The following TNRC18 variants were observed in gnomAD, a reference collection of about 807,000 sequenced individuals.
TNRC18 encodes trinucleotide repeat containing 18.
TNRC18 carries 69 observed loss-of-function variants against 226.7 expected under a neutral mutation model. The ratio of observed to expected loss-of-function variants is 0.30; its 90% CI spans 0.25 to 0.37. The LOEUF (loss-of-function observed/expected upper bound fraction) is 0.37. TNRC18 is among the 10% of genes least tolerant of loss of function. The pLI, the probability that TNRC18 is intolerant of heterozygous loss-of-function variation, is 1.00. For synonymous variants in TNRC18, 2,449 were observed against 1,927.6 expected (o/e 1.27, Z -7.09); for missense variants, 4,754 against 4,256.6 (o/e 1.12, Z -3.25).
At chr7:5,385,724 AG>A (rs1216765716) in intron 5 of TNRC18, among the ~76,000 whole-genome samples, 1 of 151,322 alleles carries the variant, frequency 6.6e-6, no homozygotes, top group Non-Finnish European at 1.5e-5. Context: ...CTATAATCCC[AG>A]AGCTTTGGGA....
chr7:5,330,541 G>T (rs922236675), intron 19 of TNRC18, among the ~76,000 whole-genome samples: 1 of 151,824 alleles, frequency 6.6e-6, no homozygotes. Flanking sequence ...AGCCAGTCTG[G>T]TGCCTGTCCA....
chr7:5,348,130 C>T (rs926045166), intron 17 of TNRC18, among the ~76,000 whole-genome samples: 20 of 152,278 alleles, frequency 1.3e-4, no homozygotes, highest in South Asian at 1.0e-3. Flanking sequence ...ACAGGAGGCT[C>T]CCTGCACACA....
chr7:5,404,699 CA>C (rs1049368486), intron 2 of TNRC18, among the ~76,000 whole-genome samples: 3 of 151,670 alleles, frequency 2.0e-5, no homozygotes, highest in Admixed American at 6.6e-5. Context: ...TCGCTGCAGC[CA>C]AAATGATCTG....
chr7:5,313,804 C>T lies in TNRC18; in HGVS notation c.7087G>A (p.Ala2363Thr). 6.6e-7 allele frequency: 1 copy of T among 1,522,266 alleles called. No homozygotes were observed. Among genetic ancestry groups the T allele is most frequent in the Admixed American group, 2.2e-5 (1 of 45,682 alleles). 94.3% of individuals were successfully genotyped at this position (1,522,266 alleles called of 1,614,324 possible). Residue 2363 changes from alanine (A) to threonine (T), a missense_variant, in exon 27 of 30, where the codon GCC (alanine) becomes ACC (threonine). Physicochemically the swap from Ala to Thr is moderately conservative, Grantham distance 58. Coordinates refer to ENST00000430969, the MANE Select transcript of TNRC18 (RefSeq NM_001080495.3). ...PTDEVPSTPL[A>T]LEPSSTPGSK... is the part of the protein sequence containing the mutation. Reference sequence around the variant, plus strand: ...CCTGGGGTGCTGCTCGGCTCCAGGGCTAAGGGGGTACTGGGGACCTCGTCT... The same window carrying T: ...CCTGGGGTGCTGCTCGGCTCCAGGGTTAAGGGGGTACTGGGGACCTCGTCT...
rs1786704200 is a variant in TNRC18 at position 5,307,832 on chromosome 7, G to C, written c.*274C>G. ...GTGCTTGCAACGTGCTGGGCAGGAA[G>C]GGCCGGTCCGGCCATACCCTGATAG... On this transcript the variant is annotated 3_prime_UTR_variant, in exon 30 of 30. Transcript: ENST00000430969. The C allele has an allele frequency of 2.0e-6, 1 of 508,636 alleles. No individual in the cohort carries two copies. The highest frequency in any genetic ancestry group is 3.6e-6 in the Non-Finnish European group (1 of 278,344). 31.5% of individuals were successfully genotyped at this position (508,636 alleles called of 1,614,324 possible).
chr7:5,333,915 A>T (rs1789818843), intron 18 of TNRC18, among the ~76,000 whole-genome samples: 1 of 152,104 alleles, frequency 6.6e-6, no homozygotes, highest in African/African-American at 2.4e-5. Context: ...GCCTGCCCTG[A>T]CCCTGGGAAG....
chr7:5,314,516 T>G (rs910500995), intron 26 of TNRC18, among the ~76,000 whole-genome samples: 5 of 151,448 alleles, frequency 3.3e-5, no homozygotes, highest in Non-Finnish European at 7.4e-5. Flanking sequence ...TTTCCTCATC[T>G]GTCACCTGGT....
Position 5,380,571 on chromosome 7 carries a change from G to A in TNRC18, c.2153-2547C>T, listed in dbSNP as rs73055898. Among the ~76,000 whole-genome samples the A allele has an allele frequency of 3.6e-3, 555 of 152,292 alleles. 2 individuals are homozygous for A. The highest frequency in any genetic ancestry group is 5.1e-3 in the Non-Finnish European group (348 of 68,018). The stretch of plus-strand genomic sequence containing the variant: ...GAGGGACAGCCGGGCAGCCCGGCAC[G>A]GGGAGAAGCGTGTTGACGAGGGCGC... On this transcript the variant is annotated intron_variant, in intron 5 of 29. Transcript: ENST00000430969.
chr7:5,357,153 C>A lies in TNRC18; in HGVS notation c.4957G>T (p.Gly1653Trp), dbSNP rs1391626957. Residue 1653 changes from glycine to tryptophan, a missense_variant, in exon 16 of 30, where the codon GGG becomes TGG. Physicochemically the swap from Gly to Trp is radical, Grantham distance 184. Transcript: ENST00000430969. ...KSPFKFSDSA[G>W]GKSKTSGGCG... ...CCCCCGCTAGTTTTCGATTTCCCCC[C>A]AGCACTGTCCGAAAACTTGAAGGGC... 1.9e-6 allele frequency: 3 copies of A among 1,582,964 alleles called. No homozygotes were observed. The highest frequency in any genetic ancestry group is 2.6e-6 in the Non-Finnish European group (3 of 1,163,878).
At chr7:5,393,414 G>C (rs543400548) in intron 3 of TNRC18, among the ~76,000 whole-genome samples, 38 of 152,376 alleles carry the variant, frequency 2.5e-4, no homozygotes, top group African/African-American at 9.1e-4. Flanking sequence ...CCTGTGACTA[G>C]AGACGCCTCT....
At chr7:5,420,459 A>C in intron 2 of TNRC18, 1 of 453,190 alleles carries the variant, frequency 2.2e-6, no homozygotes, top group Non-Finnish European at 4.4e-6. Context: ...GCAGGTTCCC[A>C]GGGCCGCCGT....
chr7:5,410,788 G>A (rs752123945), intron 2 of TNRC18, among the ~76,000 whole-genome samples: 6 of 148,694 alleles, frequency 4.0e-5, no homozygotes, highest in Admixed American at 2.0e-4. Context: ...GCTTGAACCC[G>A]TGGTGGAGGT....
At chr7:5,407,813 C>A (rs10241758) in intron 2 of TNRC18, among the ~76,000 whole-genome samples, 56 of 151,972 alleles carry the variant, frequency 3.7e-4, no homozygotes, top group African/African-American at 1.2e-3. Flanking sequence ...TCCCCCCTAC[C>A]GAGACTCCAC....
rs1355401926 is a variant in TNRC18, at chr7:5,359,463, C to A, written c.4768G>T (p.Gly1590Trp). The A allele has an allele frequency of 1.2e-6, 2 of 1,613,908 alleles. No homozygotes were observed. Among genetic ancestry groups the A allele is most frequent in the African/African-American group, 2.7e-5 (2 of 74,924 alleles). ...EEEHDALIGM[G>W]KARGRNQTWD... ...GTCTGGTTCCTCCCCCTGGCTTTCCCCATTCCGATGAGGGCATCATGTTCC... is the reference window on the plus strand; with the variant it reads ...GTCTGGTTCCTCCCCCTGGCTTTCCACATTCCGATGAGGGCATCATGTTCC... Residue 1590 changes from glycine (G) to tryptophan (W), a missense_variant, in exon 15 of 30, where the codon GGG becomes TGG. Physicochemically the swap from Gly to Trp is radical, Grantham distance 184. Transcript: ENST00000430969.
chr7:5,353,499 C>A (rs1339611619), intron 16 of TNRC18, among the ~76,000 whole-genome samples: 10 of 144,040 alleles, frequency 6.9e-5, no homozygotes, highest in Admixed American at 4.3e-4. Flanking sequence ...GTGGAGGTTG[C>A]AGTGCGGCCG....
intron 18 of TNRC18, 41 bp downstream of exon 18, chr7:5,345,521 C>CCCCCCCCCCCCCCCCCCCCCCCCCA: frequency 2.6e-5 from 5 of 189,872 alleles, no homozygotes; most frequent in East Asian, 1.9e-4. Context: ...GCGTCCGCCC[C>CCCCCCCCCCCCCCCCCCCCCCCCCA]TCCCACCCAC....
rs781681140 is a variant in TNRC18 at position 5,313,431 on chromosome 7, G to C, written c.7460C>G (p.Pro2487Arg). ...GGGCTCCTGCCAGCCCCCCGCCCCC[G>C]GATCCTCCCGGAGCAGCAGGGCCTC... Reference protein sequence around the residue: ...AKEALLLREDPGAGGWQEPKS... With the variant: ...AKEALLLREDRGAGGWQEPKS... Residue 2487 changes from proline to arginine, a missense_variant, in exon 27 of 30, where the codon CCG (proline) becomes CGG (arginine). Transcript: ENST00000430969. The C allele has an allele frequency of 6.2e-7, 1 of 1,609,440 alleles. No homozygotes were observed. The highest frequency in any genetic ancestry group is 1.3e-5 in the African/African-American group (1 of 74,950).
Position 5,315,108 on chromosome 7 carries a change from C to G in TNRC18, c.6903G>C (p.Lys2301Asn). 6.2e-7 allele frequency: 1 copy of G among 1,613,022 alleles called. No individual in the cohort carries two copies. The highest frequency in any genetic ancestry group is 8.5e-7 in the Non-Finnish European group (1 of 1,179,700). Residue 2301 changes from lysine (K) to asparagine (N), a missense_variant, in exon 26 of 30, where the codon AAG becomes AAC. Physicochemically the swap from Lys to Asn is moderately conservative, Grantham distance 94 (BLOSUM62 0). Coordinates refer to ENST00000430969, the MANE Select transcript of TNRC18 (RefSeq NM_001080495.3). ...PSPALLVPSA[K>N]RRSRKTSKDT... The stretch of plus-strand genomic sequence containing the variant: ...CTTTGCTGGTCTTCCGGCTGCGGCG[C>G]TTGGCACTTGGCACCAGAAGGGCCG...
chr7:5,365,834 C>T (rs1314679919), intron 11 of TNRC18, among the ~76,000 whole-genome samples: 6 of 151,928 alleles, frequency 3.9e-5, no homozygotes, highest in African/African-American at 1.2e-4. Context: ...TTTTGGGAGG[C>T]CGAGGCGGGC....
Sources: allele counts gnomAD v4.1 joint callset (sites outside exome capture counted in the v4.1 genomes callset), GRCh38; gene constraint gnomAD v4.1.1; transcripts MANE v1.5; gene names NCBI Gene and HGNC (gene_info 2026-07-23, HGNC 2026-07-21).